The following RSF1 variants were observed in gnomAD, a reference collection of about 807,000 sequenced individuals.
RSF1 encodes HBV pX-associated protein 8.
Under a neutral mutation model 145.2 loss-of-function variants are expected in RSF1, and 13 were observed. The observed-to-expected ratio is 0.09, with a 90% CI of 0.06 to 0.14. The LOEUF (loss-of-function observed/expected upper bound fraction) is 0.14. Among genes scored for constraint, RSF1 ranks in the 10% least tolerant of loss-of-function variants. The probability of loss-of-function intolerance (pLI) is 1.00; values close to 1 mark genes in which losing one functional copy is unlikely to be tolerated. For missense variants in RSF1, 1,517 were observed against 1,718.2 expected (o/e 0.88, Z 2.07); for synonymous variants, 577 against 592.6 (o/e 0.97, Z 0.38).
At chr11:77,670,067 G>A (rs988111828) in intron 15 of RSF1, among the ~76,000 whole-genome samples, 3 of 152,338 alleles carry the variant, frequency 2.0e-5, no homozygotes, top group Non-Finnish European at 4.4e-5. Flanking sequence ...TTGAGGCTAT[G>A]GTGAGCTGTG....
intron 1 of RSF1, among the ~76,000 whole-genome samples, chr11:77,794,172 T>C (rs143786128): frequency 2.0e-3 from 303 of 152,232 alleles, no homozygotes; most frequent in African/African-American, 6.9e-3. Context: ...AAAAGGGACT[T>C]TGCACCAAAT....
the RSF1 span, among the ~76,000 whole-genome samples, chr11:77,867,809 T>C: frequency 4.9e-4 from 74 of 152,310 alleles, no homozygotes; most frequent in Non-Finnish European, 4.9e-4. Flanking sequence ...TAAATGTGCC[T>C]AGAAGACTGG....
At chr11:77,853,562 C>T in the RSF1 span, among the ~76,000 whole-genome samples, 5,914 of 152,188 alleles carry the variant, frequency 0.039, 161 homozygotes, top group Non-Finnish European at 0.06. Flanking sequence ...GATTATAATT[C>T]GATATGAGAT....
chr11:77,784,385 T>A (rs1427987056), intron 1 of RSF1, among the ~76,000 whole-genome samples: 2 of 152,158 alleles, frequency 1.3e-5, no homozygotes, highest in Non-Finnish European at 2.9e-5. Context: ...TATGTTCATA[T>A]TTTTCTTTAA....
At chr11:77,710,008 A>G (rs188070005) in intron 5 of RSF1, among the ~76,000 whole-genome samples, 5 of 152,368 alleles carry the variant, frequency 3.3e-5, no homozygotes, top group Admixed American at 6.5e-5. Context: ...TATAGCAAAG[A>G]AAACCACACA....
At chr11:77,829,294 C>T in the RSF1 span, among the ~76,000 whole-genome samples, 5 of 152,174 alleles carry the variant, frequency 3.3e-5, no homozygotes, top group African/African-American at 1.2e-4. Context: ...AGATACCAGT[C>T]AGGCCAGCAC....
At chr11:77,804,855 C>T (rs141319472) in intron 1 of RSF1, among the ~76,000 whole-genome samples, 1 of 152,226 alleles carries the variant, frequency 6.6e-6, no homozygotes, top group African/African-American at 2.4e-5. Context: ...AAGAGTTGTT[C>T]CTCAGATGGA....
chr11:77,755,192 T>C (rs942575418), intron 2 of RSF1, among the ~76,000 whole-genome samples: 5 of 152,134 alleles, frequency 3.3e-5, no homozygotes, highest in African/African-American at 7.2e-5. Context: ...AGAAAATGGA[T>C]TGCAGAGGAG....
intron 5 of RSF1, chr11:77,703,132 TA>T (rs957303979): frequency 3.9e-5 from 6 of 152,214 alleles, no homozygotes; most frequent in Non-Finnish European, 8.8e-5. Context: ...AAATTGAGTT[TA>T]ATAATTATAT....
the RSF1 span, among the ~76,000 whole-genome samples, chr11:77,831,362 A>C: frequency 6.6e-6 from 1 of 152,322 alleles, no homozygotes; most frequent in East Asian, 1.9e-4. Flanking sequence ...AAGAAAAATG[A>C]GCATATGTCC....
the RSF1 span, among the ~76,000 whole-genome samples, chr11:77,826,886 C>G: frequency 2.0e-4 from 31 of 152,274 alleles, no homozygotes; most frequent in East Asian, 5.6e-3. Context: ...GGGCAGAACA[C>G]CTGAGGTCAG....
At chr11:77,778,039 T>C (rs956184576) in intron 1 of RSF1, among the ~76,000 whole-genome samples, 13 of 93,238 alleles carry the variant, frequency 1.4e-4, no homozygotes, top group African/African-American at 5.5e-4. Context: ...GGCTGAGGCA[T>C]AAGGATGGCT....
chr11:77,702,602 G>A (rs1446385985), intron 5 of RSF1, 107 bp from the exon 6 acceptor site: 2 of 647,422 alleles, frequency 3.1e-6, no homozygotes, highest in East Asian at 6.8e-5. Flanking sequence ...TTTTAAAAGA[G>A]GTGGCCTCTG....
chr11:77,714,778 G>A (rs1258895217), intron 5 of RSF1, among the ~76,000 whole-genome samples: 2 of 152,066 alleles, frequency 1.3e-5, no homozygotes, highest in African/African-American at 2.4e-5. Context: ...AGAGGTGAAA[G>A]CTGCAGTGAG....
At chr11:77,786,022 A>G (rs1948453648) in intron 1 of RSF1, among the ~76,000 whole-genome samples, 1 of 149,908 alleles carries the variant, frequency 6.7e-6, no homozygotes, top group Non-Finnish European at 1.5e-5. Context: ...TGCATATCAT[A>G]TCGTATAGTG....
chr11:77,710,341 T>C (rs1027354395), intron 5 of RSF1, among the ~76,000 whole-genome samples: 5 of 152,236 alleles, frequency 3.3e-5, no homozygotes, highest in African/African-American at 1.2e-4. Context: ...CATACGGTGT[T>C]ATTAACTAGT....
chr11:77,711,114 C>T (rs887708667), intron 5 of RSF1, among the ~76,000 whole-genome samples: 1 of 148,210 alleles, frequency 6.7e-6, no homozygotes, highest in Non-Finnish European at 1.5e-5. Flanking sequence ...CACATAGACA[C>T]CCCCCCTGAC....
Position 77,666,479 on chromosome 11 carries a change from T to A in RSF1, c.*438A>T, listed in dbSNP as rs746217742. 1.3e-5 allele frequency: 2 copies of A among 152,698 alleles called. No individual in the cohort carries two copies. The highest frequency in any genetic ancestry group is 2.9e-5 in the Non-Finnish European group (2 of 68,142). 9.5% of individuals were successfully genotyped at this position (152,698 alleles called of 1,614,324 possible). ...AATCATCATCTATGCCATGAATGTT[T>A]AAATATAATATATATTTAATATGAA... On this transcript the variant is annotated 3_prime_UTR_variant, in exon 16 of 16. Coordinates refer to ENST00000308488, the MANE Select transcript of RSF1 (RefSeq NM_016578.4).
chr11:77,736,250 T>C (rs1396716529), intron 4 of RSF1, among the ~76,000 whole-genome samples: 2 of 152,264 alleles, frequency 1.3e-5, no homozygotes, highest in African/African-American at 2.4e-5. Context: ...CCAGTGATCC[T>C]GGCTCAGCCT....
Sources: gnomAD v4.1 joint callset for allele counts (sites outside exome capture counted in the v4.1 genomes callset) on GRCh38, gnomAD v4.1.1 for gene constraint, MANE v1.5 for transcripts, NCBI Gene and HGNC (gene_info 2026-07-23, HGNC 2026-07-21) for gene names.